The following SEC16B variants were observed in gnomAD, a reference collection of about 807,000 sequenced individuals.
SEC16B encodes protein transport protein Sec16B.
Under a neutral mutation model 141.8 loss-of-function variants are expected in SEC16B, and 115 were observed. That is an observed-to-expected ratio of 0.81 (90% CI 0.70 to 0.95). The LOEUF is 0.95. SEC16B is among the 40% of genes least tolerant of loss of function. The pLI is 0.00. For synonymous variants in SEC16B, 493 were observed against 492.5 expected (o/e 1.00, Z -0.01); for missense variants, 1,291 against 1,312.3 (o/e 0.98, Z 0.25).
chr1:177,963,926 T>C (rs1045567014), intron 5 of SEC16B, among the ~76,000 whole-genome samples: 6 of 152,200 alleles, frequency 3.9e-5, no homozygotes, highest in Admixed American at 6.5e-5. Context: ...GTGACATTTC[T>C]TGATCCTGTC....
At chr1:177,968,142 T>C (rs1225064279) in intron 1 of SEC16B, 103 bp from the exon 2 acceptor site, 17 of 618,448 alleles carry the variant, frequency 2.7e-5, no homozygotes, top group Middle Eastern at 4.4e-4. Context: ...CCTCGAAATA[T>C]ATCTAAAACA....
chr1:177,954,617 C>T (rs148389161), intron 10 of SEC16B, among the ~76,000 whole-genome samples: 1 of 152,340 alleles, frequency 6.6e-6, no homozygotes, highest in African/African-American at 2.4e-5. Context: ...CATCATCTTC[C>T]CATCAGACAT....
At chr1:177,965,219 A>G in intron 3 of SEC16B, 52 bp from the exon 4 acceptor site, 4 of 1,600,914 alleles carry the variant, frequency 2.5e-6, no homozygotes. Flanking sequence ...TGTTTCTGAA[A>G]GTTCTTAGAA....
chr1:177,943,015 G>A (rs185275459), intron 15 of SEC16B, among the ~76,000 whole-genome samples: 33 of 152,138 alleles, frequency 2.2e-4, no homozygotes, highest in African/African-American at 5.8e-4. Context: ...TTACCCTTCC[G>A]GGCCTCCGTT....
Position 177,937,255 on chromosome 1 carries a change from C to A in SEC16B, c.2462G>T (p.Gly821Val), listed in dbSNP as rs1161937376. 6.2e-7 allele frequency: 1 copy of A among 1,613,818 alleles called. No individual in the cohort carries two copies. Among genetic ancestry groups the A allele is most frequent in the Admixed American group, 1.7e-5 (1 of 60,000 alleles). ...SSVAVTEATG[G>V]TVWEEMLQTH... is the part of the protein sequence containing the mutation. Reference sequence around the variant, plus strand: ...CTGCAGCATTTCCTCCCAGACTGTTCCTCCAGTGGCCTCTGTCACTGCCAC... The same window carrying A: ...CTGCAGCATTTCCTCCCAGACTGTTACTCCAGTGGCCTCTGTCACTGCCAC... Residue 821 changes from glycine to valine, a missense_variant, in exon 19 of 26, where the codon GGA becomes GTA. This residue lies in a region of SEC16B where 605 missense variants were observed against 614.1 expected (regional missense o/e 0.99). Coordinates refer to ENST00000308284, the MANE Select transcript of SEC16B (RefSeq NM_033127.4).
At chr1:177,963,980 G>T (rs995117348) in intron 5 of SEC16B, among the ~76,000 whole-genome samples, 191 bp downstream of exon 5, 3 of 152,314 alleles carry the variant, frequency 2.0e-5, no homozygotes, top group Non-Finnish European at 4.4e-5. Context: ...GGCCTCGGAT[G>T]CCTAAGACTG....
chr1:177,959,152 CAAG>C, intron 8 of SEC16B, 177 bp from the exon 9 acceptor site: 1 of 704,218 alleles, frequency 1.4e-6, no homozygotes. Context: ...TCTTATAGAA[CAAG>C]AAGAAATTTC....
At chr1:177,942,410 T>C (rs2101922823) in intron 15 of SEC16B, among the ~76,000 whole-genome samples, 1 of 152,284 alleles carries the variant, frequency 6.6e-6, no homozygotes, top group African/African-American at 2.4e-5. Flanking sequence ...AGCCCAGGTG[T>C]GCTGGCTCAT....
chr1:177,933,711 C>T (rs973176518), intron 20 of SEC16B, 75 bp from the exon 21 acceptor site: 7 of 1,456,260 alleles, frequency 4.8e-6, no homozygotes, highest in South Asian at 1.2e-5. Flanking sequence ...TACTCCCTCA[C>T]CTGACCTGCT....
At chr1:177,983,014 G>T (rs1396526297) in intron 1 of SEC16B, among the ~76,000 whole-genome samples, 1 of 152,110 alleles carries the variant, frequency 6.6e-6, no homozygotes, top group Non-Finnish European at 1.5e-5. Context: ...AATCCTTCAA[G>T]TTTCTATTAT....
At chr1:177,934,480 G>T (rs1432041814) in intron 20 of SEC16B, among the ~76,000 whole-genome samples, 1 of 152,118 alleles carries the variant, frequency 6.6e-6, no homozygotes, top group East Asian at 1.9e-4. Flanking sequence ...GGAAAATAAA[G>T]AAAAAAACTT....
chr1:177,954,046 G>C (rs1652407473), intron 11 of SEC16B, among the ~76,000 whole-genome samples: 1 of 152,228 alleles, frequency 6.6e-6, no homozygotes, highest in Admixed American at 6.5e-5. Flanking sequence ...TTTTTGGAAA[G>C]TCTCACTCTG....
intron 10 of SEC16B, among the ~76,000 whole-genome samples, 163 bp downstream of exon 10, chr1:177,957,969 G>C (rs1652749480): frequency 6.6e-6 from 1 of 152,038 alleles, no homozygotes; most frequent in South Asian, 2.1e-4. Context: ...TCTTTTAGTG[G>C]TAGAACTATG....
upstream of SEC16B, among the ~76,000 whole-genome samples, chr1:177,972,601 C>A (rs978137533): frequency 2.6e-5 from 4 of 152,158 alleles, no homozygotes; most frequent in African/African-American, 9.7e-5. Context: ...CAACTATGCA[C>A]CAGGATTGGA....
intron 15 of SEC16B, among the ~76,000 whole-genome samples, chr1:177,943,960 G>A (rs1651475519): frequency 6.6e-6 from 1 of 152,198 alleles, no homozygotes; most frequent in African/African-American, 2.4e-5. Flanking sequence ...TTTAGACGGA[G>A]GAGGACACGA....
At chr1:177,945,955 G>A (rs892426104) in intron 14 of SEC16B, 37 of 247,936 alleles carry the variant, frequency 1.5e-4, no homozygotes, top group Admixed American at 5.7e-4. Context: ...TAAGTAGCTT[G>A]TGCACCAAGT....
At chr1:177,958,504 T>C (rs1000859963) in intron 9 of SEC16B, 142 bp from the exon 10 acceptor site, 12 of 650,860 alleles carry the variant, frequency 1.8e-5, no homozygotes, top group East Asian at 5.7e-5. Context: ...CTTTGTTAGA[T>C]TGCTATATTT....
At chr1:177,948,140 C>A (rs116802760) in intron 12 of SEC16B, among the ~76,000 whole-genome samples, 198 bp from the exon 13 acceptor site, 2 of 152,142 alleles carry the variant, frequency 1.3e-5, no homozygotes, top group East Asian at 3.9e-4. Context: ...TAGACAGATA[C>A]GTGTACATGC....
At chr1:177,981,511 T>C (rs1320216310) in intron 1 of SEC16B, among the ~76,000 whole-genome samples, 1 of 152,188 alleles carries the variant, frequency 6.6e-6, no homozygotes, top group Non-Finnish European at 1.5e-5. Context: ...CATTTATTCA[T>C]TCAATAATTA....
Sources: gnomAD v4.1 joint callset for allele counts (sites outside exome capture counted in the v4.1 genomes callset) on GRCh38, gnomAD v4.1.1 for gene constraint, gnomAD v4.1.1 regional missense constraint, MANE v1.5 for transcripts, NCBI Gene and HGNC (gene_info 2026-07-23, HGNC 2026-07-21) for gene names.